BABAM2: variants seen among roughly 807,000 people sequenced by gnomAD.
BABAM2 encodes the protein BRISC and BRCA1-A complex member 2.
A neutral mutation model predicts 54.7 loss-of-function variants in BABAM2; 31 were observed. The observed-to-expected ratio is 0.57, with a 90% CI of 0.43 to 0.77. The LOEUF (loss-of-function observed/expected upper bound fraction) is 0.77, where lower values mean the gene tolerates loss of function less well. Among genes scored for constraint, BABAM2 ranks in the 30% least tolerant of loss-of-function variants. The pLI is 0.00. For synonymous variants in BABAM2, 167 were observed against 162.9 expected (o/e 1.03, Z -0.19); for missense variants, 364 against 455.8 (o/e 0.80, Z 1.83).
intron 6 of BABAM2, among the ~76,000 whole-genome samples, chr2:28,111,931 G>A (rs1668059064): frequency 6.6e-6 from 1 of 152,052 alleles, no homozygotes; most frequent in Non-Finnish European, 1.5e-5. Flanking sequence ...TGAGCTAGAT[G>A]TTCTGAAAAC....
At position 27,988,025 on chromosome 2, in the gene BABAM2, C is replaced by A. The variant is rs1461159965; in HGVS notation, c.238C>A (p.Leu80Met). ...CATTTTCAATGCCCAATACCCAGAA[C>A]TGCCTCCCGATTTTATCTTTGGAGA... Reference protein sequence around the residue: ...DIIFNAQYPELPPDFIFGEDA... With the variant: ...DIIFNAQYPEMPPDFIFGEDA... The change falls in exon 4 of 12, where the codon CTG (leucine) becomes ATG (methionine). Residue 80 changes from leucine to methionine, a missense_variant. Leu to Met is a conservative substitution (Grantham distance 15). Transcript: ENST00000379624. 6.2e-7 allele frequency: 1 copy of A among 1,613,648 alleles called. No individual in the cohort carries two copies. Among genetic ancestry groups the A allele is most frequent in the African/African-American group, 1.3e-5 (1 of 74,992 alleles).
At position 28,183,739 on chromosome 2, in the gene BABAM2, T is replaced by TCTCACACACA. The variant is rs1553336494; in HGVS notation, c.681-53462_681-53461insTCACACACAC. ...ATTTTATGTTACTTTTGGATGAAGA[T>TCTCACACACA]CACACACACACACACACACACACAC... On this transcript the variant is annotated intron_variant, in intron 7 of 11. Coordinates refer to ENST00000379624, the MANE Select transcript of BABAM2 (RefSeq NM_199191.3). Among the ~76,000 whole-genome samples the TCTCACACACA allele has an allele frequency of 3.1e-3, 408 of 133,208 alleles. 3 individuals carry two copies. Among genetic ancestry groups the TCTCACACACA allele is most frequent in the South Asian group, 8.5e-3 (35 of 4,100 alleles). 87.4% of individuals were successfully genotyped at this position (133,208 alleles called of 152,430 possible).
At chr2:28,069,012 C>A (rs1275993355) in intron 6 of BABAM2, among the ~76,000 whole-genome samples, 1 of 152,132 alleles carries the variant, frequency 6.6e-6, no homozygotes, top group African/African-American at 2.4e-5. Context: ...AATGGAGACT[C>A]CTGGCAAACT....
In BABAM2 at chr2:28,337,440, C is replaced by T. The variant is rs895408630; in HGVS notation, c.1089-1010C>T. Among the ~76,000 whole-genome samples the T allele has an allele frequency of 3.5e-4, 54 of 152,152 alleles. 1 individual carries two copies. The highest frequency in any genetic ancestry group is 1.2e-3 in the African/African-American group (51 of 41,426). On this transcript the variant is annotated intron_variant, in intron 11 of 11. Transcript: ENST00000379624. ...CGGCGTGATCCCATGGCTGGGTCAC[C>T]CCGCCACCCCTGATGCCTTGTACAG...
intron 3 of BABAM2, among the ~76,000 whole-genome samples, chr2:27,930,699 AGT>A (rs1195649909): frequency 6.6e-6 from 1 of 152,230 alleles, no homozygotes; most frequent in African/African-American, 2.4e-5. Flanking sequence ...TTGGATGGAT[AGT>A]ATGGAAGATC....
intron 5 of BABAM2, among the ~76,000 whole-genome samples, chr2:28,028,220 T>C (rs1676017527): frequency 1.3e-5 from 2 of 152,182 alleles, no homozygotes; most frequent in South Asian, 2.1e-4. Context: ...ACTCCTTGCC[T>C]CTCTACAGGG....
chr2:28,162,750 T>A (rs771499683), intron 7 of BABAM2, among the ~76,000 whole-genome samples: 7 of 152,220 alleles, frequency 4.6e-5, no homozygotes, highest in African/African-American at 9.6e-5. Context: ...TGTCACTGCA[T>A]GGTTTAGTTC....
chr2:28,024,263 G>A (rs1573414162), intron 4 of BABAM2, among the ~76,000 whole-genome samples: 3 of 152,066 alleles, frequency 2.0e-5, no homozygotes, highest in East Asian at 1.9e-4. Context: ...AAAATTAGCC[G>A]GGCCTGGTGG....
At chr2:28,326,505 T>TCCCAGC (rs763432852) in intron 11 of BABAM2, among the ~76,000 whole-genome samples, 54 of 152,216 alleles carry the variant, frequency 3.5e-4, no homozygotes, top group Non-Finnish European at 6.5e-4. Context: ...CTGGCCTCGT[T>TCCCAGC]CCCAGCCCCA....
At chr2:28,110,713 G>T (rs1667929273) in intron 6 of BABAM2, among the ~76,000 whole-genome samples, 1 of 152,072 alleles carries the variant, frequency 6.6e-6, no homozygotes, top group African/African-American at 2.4e-5. Context: ...TTATTTTGGA[G>T]TATCTATTCA....
At chr2:28,021,924 G>A (rs192416508) in intron 4 of BABAM2, among the ~76,000 whole-genome samples, 3 of 152,148 alleles carry the variant, frequency 2.0e-5, no homozygotes, top group Non-Finnish European at 4.4e-5. Context: ...AGGTATCCTC[G>A]CGCATGTCTA....
intron 10 of BABAM2, among the ~76,000 whole-genome samples, chr2:28,296,888 A>T (rs1687738599): frequency 6.6e-6 from 1 of 152,040 alleles, no homozygotes. Context: ...AGGTTTCACC[A>T]TGTTGGCCAG....
At chr2:27,905,333 A>G (rs1474972575) in intron 2 of BABAM2, among the ~76,000 whole-genome samples, 1 of 152,196 alleles carries the variant, frequency 6.6e-6, no homozygotes. Context: ...GATGGTAAGC[A>G]TGTGGGTTTT....
chr2:28,108,566 G>A (rs1246210601), intron 6 of BABAM2, among the ~76,000 whole-genome samples: 3 of 152,172 alleles, frequency 2.0e-5, no homozygotes, highest in Non-Finnish European at 4.4e-5. Context: ...CTGTTCATCA[G>A]CACTTCTATA....
chr2:27,892,042 T>C (rs1247158859), intron 1 of BABAM2, among the ~76,000 whole-genome samples: 3 of 152,216 alleles, frequency 2.0e-5, no homozygotes, highest in Admixed American at 6.5e-5. Context: ...TTTTATAAGA[T>C]ATACGCTTTA....
intron 4 of BABAM2, among the ~76,000 whole-genome samples, chr2:28,022,948 G>A (rs774900254): frequency 6.6e-6 from 1 of 152,180 alleles, no homozygotes; most frequent in South Asian, 2.1e-4. Flanking sequence ...AGGCAAAGTG[G>A]TTCAAACCAC....
In BABAM2 at chr2:28,306,599, G is replaced by A. The variant is rs116413791; in HGVS notation, c.1088+8108G>A. The stretch of plus-strand genomic sequence containing the variant: ...TTCATCCTTTCTTTATCCTGTCTGT[G>A]TCTTTATATTTGAAAGAAACCTTTT... On this transcript the variant is annotated intron_variant, in intron 11 of 11. Transcript: ENST00000379624. Among the ~76,000 whole-genome samples the A allele has an allele frequency of 6.6e-3, 996 of 151,704 alleles. 1 individual carries two copies. The highest frequency in any genetic ancestry group is 8.8e-3 in the Non-Finnish European group (595 of 67,870).
chr2:27,914,925 G>C (rs1014477242), intron 2 of BABAM2, among the ~76,000 whole-genome samples: 4 of 152,042 alleles, frequency 2.6e-5, no homozygotes, highest in Admixed American at 2.6e-4. Context: ...TAGACTAGAT[G>C]CTTCCTGTCC....
intron 7 of BABAM2, among the ~76,000 whole-genome samples, chr2:28,150,165 C>T (rs903426450): frequency 6.6e-6 from 1 of 152,020 alleles, no homozygotes; most frequent in East Asian, 1.9e-4. Flanking sequence ...GTGGAGTAGG[C>T]GATGTTTTAC....
Sources: allele counts gnomAD v4.1 joint callset (sites outside exome capture counted in the v4.1 genomes callset), GRCh38; gene constraint gnomAD v4.1.1; transcripts MANE v1.5; gene names NCBI Gene and HGNC (gene_info 2026-07-23, HGNC 2026-07-21).